The following EYA3 variants were observed in gnomAD, a reference collection of about 807,000 sequenced individuals.
EYA3 encodes the protein protein phosphatase EYA3.
A neutral mutation model predicts 80.0 loss-of-function variants in EYA3; 39 were observed. That is an observed-to-expected ratio of 0.49 (90% confidence interval 0.38 to 0.64). The LOEUF (loss-of-function observed/expected upper bound fraction) is 0.64, where lower values mean the gene tolerates loss of function less well. Ranked by LOEUF, EYA3 falls within the 30% of genes least tolerant of loss-of-function variation. The pLI is 0.00. For missense variants in EYA3, 523 were observed against 676.1 expected (o/e 0.77, Z 2.51); for synonymous variants, 206 against 232.8 (o/e 0.88, Z 1.05).
intron 1 of EYA3, among the ~76,000 whole-genome samples, chr1:28,073,127 A>ATATATATATATATATATTTTTT (rs1553157671): frequency 8.0e-4 from 12 of 14,984 alleles, no homozygotes; most frequent in Non-Finnish European, 1.3e-3. Context: ...ATATATATAT[A>ATATATATATATATATATTTTTT]TTTTTTTTTT....
chr1:28,083,307 G>A (rs1164002208), intron 1 of EYA3, among the ~76,000 whole-genome samples: 1 of 152,024 alleles, frequency 6.6e-6, no homozygotes, highest in Non-Finnish European at 1.5e-5. Flanking sequence ...AGATCACGAG[G>A]TCAGGAGTTC....
intron 1 of EYA3, among the ~76,000 whole-genome samples, chr1:28,084,691 C>T (rs1177053965): frequency 1.4e-5 from 2 of 142,804 alleles, no homozygotes; most frequent in African/African-American, 5.2e-5. Flanking sequence ...TCACTGCAAC[C>T]TCCGCCTCCC....
At chr1:28,018,576 C>A (rs1642226576) in intron 7 of EYA3, among the ~76,000 whole-genome samples, 1 of 152,184 alleles carries the variant, frequency 6.6e-6, no homozygotes, top group Non-Finnish European at 1.5e-5. Flanking sequence ...CCATTGAGAA[C>A]AGGGCAGGAG....
chr1:28,012,739 C>T (rs1161485687), intron 9 of EYA3, among the ~76,000 whole-genome samples: 1 of 152,170 alleles, frequency 6.6e-6, no homozygotes, highest in Non-Finnish European at 1.5e-5. Context: ...ATAGAAAGAA[C>T]TATGGCTCTG....
In EYA3 at chr1:28,057,366, C is replaced by G. The variant is rs1210140854; in HGVS notation, c.33+628G>C. 2.6e-5 allele frequency among the ~76,000 whole-genome samples: 4 copies of G among 152,158 alleles called. No homozygotes were observed. In the South Asian group the frequency reaches 8.3e-4, roughly 32 times the overall value. On this transcript the variant is annotated intron_variant, in intron 2 of 17. Transcript: ENST00000373871. ...GCAAATTGAATCGGTATTTACCAAA[C>G]TTCAGAGAAAGAAACTGAAGACAAA...
intron 16 of EYA3, among the ~76,000 whole-genome samples, chr1:27,985,258 A>C (rs1014095851): frequency 9.2e-5 from 12 of 130,214 alleles, no homozygotes; most frequent in African/African-American, 2.8e-4. Flanking sequence ...AAAAACAAAA[A>C]AAACAAAAAC....
intron 2 of EYA3, among the ~76,000 whole-genome samples, chr1:28,051,652 A>T (rs1054420689): frequency 6.6e-6 from 1 of 152,130 alleles, no homozygotes; most frequent in African/African-American, 2.4e-5. Flanking sequence ...GCACCACTGC[A>T]CTCCAGCCTG....
intron 1 of EYA3, 58 bp downstream of exon 1, chr1:28,088,466 C>G (rs904513198): frequency 6.5e-6 from 1 of 153,058 alleles, no homozygotes; most frequent in African/African-American, 2.4e-5. Context: ...TAGACCCATC[C>G]CCCTTCACGC....
At chr1:28,083,029 T>G (rs986729311) in intron 1 of EYA3, among the ~76,000 whole-genome samples, 7 of 152,180 alleles carry the variant, frequency 4.6e-5, no homozygotes, top group Non-Finnish European at 1.0e-4. Flanking sequence ...CTTTTGTGTT[T>G]CAGACAAACT....
At chr1:28,029,222 G>A (rs1336413048) in intron 6 of EYA3, among the ~76,000 whole-genome samples, 1 of 152,090 alleles carries the variant, frequency 6.6e-6, no homozygotes, top group Non-Finnish European at 1.5e-5. Context: ...GAGCAAGGAG[G>A]AAATAGCACA....
intron 1 of EYA3, among the ~76,000 whole-genome samples, chr1:28,059,395 A>C (rs1168652043): frequency 6.6e-6 from 1 of 152,246 alleles, no homozygotes; most frequent in South Asian, 2.1e-4. Context: ...TGACACAGGT[A>C]ACTAGTGATA....
chr1:28,029,517 T>C (rs1277892632), intron 6 of EYA3, among the ~76,000 whole-genome samples: 4 of 152,118 alleles, frequency 2.6e-5, no homozygotes, highest in Admixed American at 2.6e-4. Context: ...ATATTCTTTA[T>C]GAGTGAAACA....
chr1:28,018,469 A>G (rs12144891), intron 7 of EYA3, among the ~76,000 whole-genome samples: 39,602 of 152,084 alleles, frequency 0.26, 5,219 homozygotes, highest in Non-Finnish European at 0.28. Flanking sequence ...TACTGCAGGT[A>G]CACACACCAT....
intron 1 of EYA3, among the ~76,000 whole-genome samples, chr1:28,075,412 T>C (rs987348705): frequency 1.3e-5 from 2 of 152,160 alleles, no homozygotes; most frequent in Admixed American, 6.6e-5. Flanking sequence ...AGGGGAAAGG[T>C]TGTTTGTACT....
At chr1:28,039,744 G>C (rs566414607) in intron 4 of EYA3, among the ~76,000 whole-genome samples, 1 of 152,296 alleles carries the variant, frequency 6.6e-6, no homozygotes, top group Admixed American at 6.5e-5. Flanking sequence ...AAATGCTCAA[G>C]AGTAAGACAA....
At chr1:28,033,279 C>T (rs191530262) in intron 6 of EYA3, among the ~76,000 whole-genome samples, 1 of 152,202 alleles carries the variant, frequency 6.6e-6, no homozygotes, top group East Asian at 1.9e-4. Flanking sequence ...TGATAAAACA[C>T]AAGAAAACAT....
chr1:28,029,307 G>A (rs559265158), intron 6 of EYA3, among the ~76,000 whole-genome samples: 6 of 152,208 alleles, frequency 3.9e-5, no homozygotes, highest in South Asian at 2.1e-4. Context: ...CAGAGATACC[G>A]CAGAGGCTAC....
chr1:28,007,759 GAA>G (rs1331461539), intron 10 of EYA3, among the ~76,000 whole-genome samples: 2 of 152,086 alleles, frequency 1.3e-5, no homozygotes, highest in African/African-American at 4.8e-5. Context: ...TAAATAAACG[GAA>G]AGACATCCAT....
chr1:28,022,337 A>T (rs1642495919), intron 7 of EYA3, among the ~76,000 whole-genome samples: 1 of 151,898 alleles, frequency 6.6e-6, no homozygotes. Context: ...TTTAGTAGAG[A>T]CAGGATTTCA....
Sources: gnomAD v4.1 joint callset for allele counts (sites outside exome capture counted in the v4.1 genomes callset) on GRCh38, gnomAD v4.1.1 for gene constraint, MANE v1.5 for transcripts, NCBI Gene and HGNC (gene_info 2026-07-23, HGNC 2026-07-21) for gene names.